PRKCH: variants seen among roughly 807,000 people sequenced by gnomAD.
The protein encoded by PRKCH is protein kinase C eta type.
A neutral mutation model predicts 82.5 loss-of-function variants in PRKCH; 28 were observed. The observed-to-expected ratio is 0.34, with a 90% confidence interval of 0.25 to 0.47. The LOEUF (loss-of-function observed/expected upper bound fraction) is 0.47, where lower values mean the gene tolerates loss of function less well. Among genes scored for constraint, PRKCH ranks in the 20% least tolerant of loss-of-function variants. The pLI is 1.00. For missense variants in PRKCH, 705 were observed against 881.8 expected (o/e 0.80, Z 2.54); for synonymous variants, 322 against 327.4 (o/e 0.98, Z 0.18).
At chr14:61,448,970 A>G (rs1303641644) in intron 4 of PRKCH, among the ~76,000 whole-genome samples, 194 bp from the exon 5 acceptor site, 1 of 152,092 alleles carries the variant, frequency 6.6e-6, no homozygotes, top group Non-Finnish European at 1.5e-5. Flanking sequence ...TTGATAAGGG[A>G]TAGTTTGAGC....
intron 2 of PRKCH, among the ~76,000 whole-genome samples, chr14:61,393,229 A>T (rs747028750): frequency 6.6e-6 from 1 of 152,056 alleles, no homozygotes; most frequent in Non-Finnish European, 1.5e-5. Flanking sequence ...TGTATGTTTA[A>T]GGTTATTTTA....
At chr14:61,468,630 G>A (rs760554006) in intron 9 of PRKCH, among the ~76,000 whole-genome samples, 4 of 152,254 alleles carry the variant, frequency 2.6e-5, no homozygotes, top group Non-Finnish European at 5.9e-5. Context: ...CTTTGGACGC[G>A]ACTGCCAAGA....
intron 1 of PRKCH, among the ~76,000 whole-genome samples, chr14:61,206,029 A>G (rs2044521018): frequency 6.6e-6 from 1 of 152,196 alleles, no homozygotes; most frequent in African/African-American, 2.4e-5. Context: ...CAATGACACC[A>G]TGGAAAGGAG....
intron 6 of PRKCH, 29 bp from the exon 7 acceptor site, chr14:61,453,197 C>T (rs1331820453): frequency 6.2e-7 from 1 of 1,613,960 alleles, no homozygotes; most frequent in East Asian, 2.2e-5. Context: ...CCTTTCTGAA[C>T]ATGGATTCTG....
At chr14:61,502,408 G>A (rs1250355540) in intron 10 of PRKCH, among the ~76,000 whole-genome samples, 1 of 151,982 alleles carries the variant, frequency 6.6e-6, no homozygotes, top group Admixed American at 6.6e-5. Flanking sequence ...TTCAAGTCCT[G>A]GAAATAATTC....
At chr14:61,470,864 C>T (rs1252735526) in intron 9 of PRKCH, among the ~76,000 whole-genome samples, 3 of 152,146 alleles carry the variant, frequency 2.0e-5, no homozygotes, top group South Asian at 4.1e-4. Context: ...TCTCCATACA[C>T]GTTTTTCCGT....
chr14:61,367,756 C>G (rs1224773562), intron 1 of PRKCH, among the ~76,000 whole-genome samples: 1 of 150,346 alleles, frequency 6.7e-6, no homozygotes, highest in Non-Finnish European at 1.5e-5. Flanking sequence ...GCTCTTTCAC[C>G]CAGGCTGGAG....
chr14:61,502,580 G>A (rs757842779), intron 10 of PRKCH, among the ~76,000 whole-genome samples: 10 of 152,138 alleles, frequency 6.6e-5, no homozygotes, highest in Non-Finnish European at 1.3e-4. Flanking sequence ...TTAAAGAGTA[G>A]CAGCACATAC....
At chr14:61,414,978 C>T (rs1348930042) in intron 2 of PRKCH, among the ~76,000 whole-genome samples, 2 of 152,144 alleles carry the variant, frequency 1.3e-5, no homozygotes, top group Admixed American at 6.5e-5. Context: ...CGCCCATTCT[C>T]ATAGGGCCTT....
At chr14:61,421,095 A>G (rs1009384878) in intron 2 of PRKCH, among the ~76,000 whole-genome samples, 2 of 151,622 alleles carry the variant, frequency 1.3e-5, no homozygotes, top group African/African-American at 4.9e-5. Flanking sequence ...AGTAGCCATT[A>G]TCTAGTAGTG....
At chr14:61,418,044 C>G (rs1436591422) in intron 2 of PRKCH, among the ~76,000 whole-genome samples, 1 of 152,204 alleles carries the variant, frequency 6.6e-6, no homozygotes, top group East Asian at 1.9e-4. Flanking sequence ...CTGCAATTGT[C>G]TTACATACGG....
chr14:61,539,772 T>C (rs1594797481), intron 12 of PRKCH, among the ~76,000 whole-genome samples: 1 of 152,142 alleles, frequency 6.6e-6, no homozygotes, highest in African/African-American at 2.4e-5. Flanking sequence ...TCCCTTGATA[T>C]GGGCACAGAC....
At chr14:61,350,756 A>T (rs1018739341) in intron 1 of PRKCH, among the ~76,000 whole-genome samples, 2 of 152,114 alleles carry the variant, frequency 1.3e-5, no homozygotes, top group Non-Finnish European at 2.9e-5. Context: ...CAACCCCTTA[A>T]AAGGCCTTCT....
At chr14:61,252,478 C>T (rs1375364278) in intron 1 of PRKCH, among the ~76,000 whole-genome samples, 1 of 152,174 alleles carries the variant, frequency 6.6e-6, no homozygotes, top group Non-Finnish European at 1.5e-5. Flanking sequence ...ACTTGAGATG[C>T]ACCAAGGGTT....
intron 1 of PRKCH, among the ~76,000 whole-genome samples, chr14:61,390,274 C>T (rs534565897): frequency 3.3e-5 from 5 of 152,222 alleles, no homozygotes; most frequent in South Asian, 4.1e-4. Context: ...ATGCAGAGGA[C>T]GACACCATAT....
intron 9 of PRKCH, among the ~76,000 whole-genome samples, chr14:61,475,621 A>G (rs897790655): frequency 1.3e-5 from 2 of 152,266 alleles, no homozygotes; most frequent in African/African-American, 4.8e-5. Context: ...AGCTAATTGT[A>G]GGACTTCATA....
chr14:61,505,573 G>C (rs1293940056), intron 10 of PRKCH, among the ~76,000 whole-genome samples: 1 of 151,328 alleles, frequency 6.6e-6, no homozygotes, highest in African/African-American at 2.4e-5. Flanking sequence ...TGGGGTTTCT[G>C]CATGTTGGTC....
chr14:61,545,871 T>G (rs1485070184), intron 12 of PRKCH, among the ~76,000 whole-genome samples: 1 of 152,192 alleles, frequency 6.6e-6, no homozygotes, highest in Non-Finnish European at 1.5e-5. Flanking sequence ...CACTGGGGCT[T>G]CAGCCACCCT....
At chr14:61,510,105 A>C (rs961413504) in intron 10 of PRKCH, among the ~76,000 whole-genome samples, 1 of 152,154 alleles carries the variant, frequency 6.6e-6, no homozygotes, top group African/African-American at 2.4e-5. Flanking sequence ...CTAAGGAATC[A>C]TGAGGACTCG....
Sources: allele counts gnomAD v4.1 joint callset (sites outside exome capture counted in the v4.1 genomes callset), GRCh38; gene constraint gnomAD v4.1.1; transcripts MANE v1.5; gene names NCBI Gene and HGNC (gene_info 2026-07-23, HGNC 2026-07-21).